PTPRN2: variants seen among roughly 807,000 people sequenced by gnomAD.
PTPRN2 encodes the protein receptor-type tyrosine-protein phosphatase N2.
A neutral mutation model predicts 118.8 loss-of-function variants in PTPRN2; 74 were observed. The observed-to-expected ratio is 0.62, with a 90% CI of 0.52 to 0.76. The LOEUF is 0.76. PTPRN2 is among the 30% of genes least tolerant of loss of function. PTPRN2 has a pLI of 0.00. For missense variants in PTPRN2, 1,481 were observed against 1,394.4 expected, an observed-to-expected ratio of 1.06 and a Z score of -0.99; for synonymous variants, 641 against 608.0, an observed-to-expected ratio of 1.05 and a Z score of -0.80.
In PTPRN2 at chr7:158,271,920, C is replaced by T. The variant is rs996162419; in HGVS notation, c.277+44899G>A. Among the ~76,000 whole-genome samples, 7 of 136,980 alleles carry T rather than the reference C, an allele frequency of 5.1e-5. No homozygotes were observed. The East Asian group carries it at 8.4e-4, about 16-fold the overall frequency. 89.9% of individuals were successfully genotyped at this position (136,980 alleles called of 152,430 possible). A position where few individuals can be genotyped will look rare whatever the true frequency, so the allele number is the denominator to read the frequency against. On this transcript the variant is annotated intron_variant, in intron 3 of 22. Coordinates refer to ENST00000389418, the MANE Select transcript of PTPRN2 (RefSeq NM_002847.5). ...AGGATTTCCATGTAGGAACTGGAGG[C>T]GTGGGGTAGGCGGACACAAACCTTC...
intron 3 of PTPRN2, among the ~76,000 whole-genome samples, chr7:158,310,404 A>G (rs11760513): frequency 0.91 from 138,598 of 152,312 alleles, 63,376 homozygotes; most frequent in Non-Finnish European, 0.96. Flanking sequence ...GGAGGAACAC[A>G]CTATCGGACG....
In PTPRN2 at chr7:157,591,995, T is replaced by C. The variant is rs965340296; in HGVS notation, c.2496+3243A>G. Among the ~76,000 whole-genome samples, 1 of 152,194 alleles carries C rather than the reference T, an allele frequency of 6.6e-6. No homozygotes were observed. The highest frequency in any genetic ancestry group is 1.5e-5 in the Non-Finnish European group (1 of 68,032). ...AACATCCTGGGAGGGCTGAGGCTAC[T>C]GGCCATGAGCTCTTGTCTTAGAAAA... is the stretch of plus-strand genomic sequence containing the variant. On this transcript the variant is annotated intron_variant, in intron 17 of 22. Coordinates refer to ENST00000389418, the MANE Select transcript of PTPRN2 (RefSeq NM_002847.5). The surrounding 1 kb of genome is among the most constrained non-coding windows in gnomAD (Gnocchi z 4.4).
At chr7:158,183,436 G>A (rs1170586506) in intron 5 of PTPRN2, among the ~76,000 whole-genome samples, 1 of 152,092 alleles carries the variant, frequency 6.6e-6, no homozygotes, top group Non-Finnish European at 1.5e-5. Flanking sequence ...CTCCCCCCTG[G>A]GTTATGGCCA....
chr7:157,840,964 C>T (rs1808378833), intron 12 of PTPRN2, among the ~76,000 whole-genome samples: 2 of 152,382 alleles, frequency 1.3e-5, no homozygotes, highest in South Asian at 2.1e-4. Flanking sequence ...CTGCCCCCTC[C>T]TCCTCTCTCA....
chr7:157,631,127 C>T (rs972668686), intron 14 of PTPRN2, among the ~76,000 whole-genome samples: 1 of 152,102 alleles, frequency 6.6e-6, no homozygotes, highest in Non-Finnish European at 1.5e-5. Context: ...GTTCTCCCTG[C>T]GTCTTAATGT....
intron 11 of PTPRN2, among the ~76,000 whole-genome samples, chr7:158,079,957 C>T (rs989969499): frequency 6.6e-6 from 1 of 152,184 alleles, no homozygotes; most frequent in Admixed American, 6.5e-5. Context: ...CAAGTCTCCA[C>T]AAACCTTAAA....
chr7:157,600,570 G>A (rs1220876294), intron 16 of PTPRN2, among the ~76,000 whole-genome samples: 9 of 152,098 alleles, frequency 5.9e-5, no homozygotes, highest in African/African-American at 2.2e-4. Context: ...CACCATGCCT[G>A]GCTAGTTTCT....
intron 12 of PTPRN2, among the ~76,000 whole-genome samples, chr7:157,727,653 C>A (rs550424747): frequency 1.3e-5 from 2 of 152,332 alleles, no homozygotes; most frequent in South Asian, 4.1e-4. Context: ...AAGAGGCGTG[C>A]ACCTAAAAAC....
intron 12 of PTPRN2, chr7:157,864,484 G>A (rs956165644): frequency 5.3e-5 from 8 of 152,348 alleles, no homozygotes; most frequent in African/African-American, 1.9e-4. Context: ...GTTGGGGCCA[G>A]GGGAGGCATT....
At chr7:157,970,992 A>C (rs4716850) in intron 11 of PTPRN2, among the ~76,000 whole-genome samples, 76,717 of 151,916 alleles carry the variant, frequency 0.5, 19,487 homozygotes, top group Admixed American at 0.57. Context: ...CCATTTACCC[A>C]GTAAAGTCAG....
chr7:157,822,021 C>T (rs1439265784), intron 12 of PTPRN2, among the ~76,000 whole-genome samples: 1 of 150,766 alleles, frequency 6.6e-6, no homozygotes, highest in Non-Finnish European at 1.5e-5. Context: ...TCCATCCCTC[C>T]CTCTATCTAT....
chr7:158,147,652 C>G (rs1820280808), intron 6 of PTPRN2, among the ~76,000 whole-genome samples: 1 of 117,000 alleles, frequency 8.5e-6, no homozygotes, highest in African/African-American at 3.5e-5. Context: ...CACCCCATCT[C>G]ATGCCACGTG....
rs541385113 is a variant in PTPRN2 at position 157,718,197 on chromosome 7, C to G, written c.1789-35260G>C. Reference sequence around the variant, plus strand: ...TTTGGGAAAGATGATAAGATCAGAACAATTTGAATGAACGTGGCAAATGAA... The same window carrying G: ...TTTGGGAAAGATGATAAGATCAGAAGAATTTGAATGAACGTGGCAAATGAA... On this transcript the variant is annotated intron_variant, in intron 12 of 22. Transcript: ENST00000389418. Among the ~76,000 whole-genome samples, 7 of 152,366 alleles carry G rather than the reference C, an allele frequency of 4.6e-5. No individual in the cohort carries two copies. In the East Asian group the frequency reaches 1.3e-3, roughly 29 times the overall value.
At chr7:158,156,375 C>T (rs1158145957) in intron 6 of PTPRN2, among the ~76,000 whole-genome samples, 2 of 152,184 alleles carry the variant, frequency 1.3e-5, no homozygotes, top group Non-Finnish European at 2.9e-5. Flanking sequence ...AGTTTGCACA[C>T]TCAGAACGTG....
chr7:158,481,510 G>A (rs1283987392), intron 2 of PTPRN2, among the ~76,000 whole-genome samples: 1 of 152,226 alleles, frequency 6.6e-6, no homozygotes, highest in East Asian at 1.9e-4. Flanking sequence ...TGTCGCCCAA[G>A]CTGGAGTGCA....
Position 158,205,100 on chromosome 7 carries a change from A to T in PTPRN2, c.380+71T>A, listed in dbSNP as rs932360068. ...TTGCTACATTAAAACAAACAAACAA[A>T]CAAATAATAAGTGTAATGGCTATGG... On this transcript the variant is annotated intron_variant, in intron 4 of 22. Coordinates refer to ENST00000389418, the MANE Select transcript of PTPRN2 (RefSeq NM_002847.5). The T allele has an allele frequency of 3.1e-6, 4 of 1,279,322 alleles. No homozygotes were observed. In the African/African-American group the frequency reaches 5.9e-5, roughly 19 times the overall value. The allele number at this position is 1,279,322 out of a possible 1,614,324, so 79.2% of individuals were successfully genotyped here. A position where few individuals can be genotyped will look rare whatever the true frequency, so the allele number is the denominator to read the frequency against.
At chr7:158,472,144 T>C (rs1819906843) in intron 2 of PTPRN2, among the ~76,000 whole-genome samples, 2 of 152,200 alleles carry the variant, frequency 1.3e-5, no homozygotes, top group African/African-American at 2.4e-5. Context: ...GCCAGCATCA[T>C]AGAGAGTTCA....
rs1483381864 is a variant in PTPRN2 at position 157,869,280 on chromosome 7, G to A, written c.1788+29393C>T. On this transcript the variant is annotated intron_variant, in intron 12 of 22. Coordinates refer to ENST00000389418, the MANE Select transcript of PTPRN2 (RefSeq NM_002847.5). The surrounding 1 kb of genome is among the most constrained non-coding windows in gnomAD (Gnocchi z 4.2). ...CCTGCTGGGAGGTCTGTGGACTCCAGGCCGCTCACTTATCCCCATGCATAT... is the reference window on the plus strand; with the variant it reads ...CCTGCTGGGAGGTCTGTGGACTCCAAGCCGCTCACTTATCCCCATGCATAT... 2 of 152,100 alleles carry A rather than the reference G, an allele frequency of 1.3e-5. No individual in the cohort carries two copies. Among genetic ancestry groups the A allele is most frequent in the African/African-American group, 2.4e-5 (1 of 41,416 alleles). 9.4% of individuals were successfully genotyped at this position (152,100 alleles called of 1,614,324 possible).
At chr7:158,070,795 GAGGTGCCCGTGGTGGTGA>G (rs1201118849) in intron 11 of PTPRN2, among the ~76,000 whole-genome samples, 18 of 130,878 alleles carry the variant, frequency 1.4e-4, no homozygotes, top group South Asian at 1.3e-3. Flanking sequence ...CGTGGTGGTG[GAGGTGCCCGTGGTGGTGA>G]AGGTGCCCGT....
Sources: gnomAD v4.1 joint callset for allele counts (sites outside exome capture counted in the v4.1 genomes callset) on GRCh38, gnomAD v4.1.1 for gene constraint, Gnocchi (gnomAD v3.1) non-coding constraint, MANE v1.5 for transcripts, NCBI Gene and HGNC (gene_info 2026-07-23, HGNC 2026-07-21) for gene names.